Variants in HMCN2 observed in about 807,000 individuals in gnomAD.
The protein encoded by HMCN2 is hemicentin-2.
A neutral mutation model predicts 377.5 loss-of-function variants in HMCN2; 325 were observed. The observed-to-expected ratio is 0.86, with a 90% CI of 0.79 to 0.94. The LOEUF (loss-of-function observed/expected upper bound fraction) is 0.94, where lower values mean the gene tolerates loss of function less well. Among genes scored for constraint, HMCN2 ranks in the 40% least tolerant of loss-of-function variants. The pLI is 0.00. For synonymous variants in HMCN2, 2,007 were observed against 2,046.8 expected (o/e 0.98, Z 0.53); for missense variants, 4,543 against 4,725.3 (o/e 0.96, Z 1.13).
Position 130,425,133 on chromosome 9 carries a change from C to CG in HMCN2, c.13641+8dup. 1 of 1,545,886 alleles carries CG rather than the reference C, an allele frequency of 6.5e-7. No individual in the cohort carries two copies. The highest frequency in any genetic ancestry group is 8.7e-7 in the Non-Finnish European group (1 of 1,144,880). ...CTGACGCAGATCTTCAAGTGCAGGT[C>CG]GGGGGTCAAGCCCTGGGGTGTGCAG... On this transcript the variant is annotated splice_donor_region_variant and intron_variant, in intron 89 of 97. Transcript: ENST00000683500.
chr9:130,278,231 T>C (rs930980821), intron 1 of HMCN2, among the ~76,000 whole-genome samples: 5 of 152,080 alleles, frequency 3.3e-5, no homozygotes, highest in Non-Finnish European at 7.4e-5. Flanking sequence ...TTCACGCCAT[T>C]CTCCTGCCTC....
intron 29 of HMCN2, among the ~76,000 whole-genome samples, chr9:130,349,888 C>CT (rs760662723): frequency 0.052 from 4,756 of 91,344 alleles, 543 homozygotes; most frequent in Non-Finnish European, 0.068. Flanking sequence ...TTAGCCTTTC[C>CT]TTTTTTTTTT....
intron 30 of HMCN2, among the ~76,000 whole-genome samples, chr9:130,352,117 T>G (rs1186240516): frequency 3.3e-5 from 5 of 152,218 alleles, no homozygotes; most frequent in Non-Finnish European, 7.3e-5. Flanking sequence ...TGGCCCAAAT[T>G]TACTACTTCT....
At chr9:130,284,043 G>A (rs1393948267) in intron 1 of HMCN2, among the ~76,000 whole-genome samples, 2 of 152,226 alleles carry the variant, frequency 1.3e-5, no homozygotes, top group Non-Finnish European at 2.9e-5. Flanking sequence ...GTGAATGAAA[G>A]TTCCAGTTGC....
intron 94 of HMCN2, 168 bp from the exon 95 acceptor site, chr9:130,430,116 G>T: frequency 1.6e-6 from 1 of 640,288 alleles, no homozygotes; most frequent in South Asian, 2.0e-5. Context: ...TCGGAGAGGA[G>T]GCTGGAGTTG....
At chr9:130,293,278 A>ATTTTTTTTTTTTTTTTTTT (rs1554930691) in intron 4 of HMCN2, among the ~76,000 whole-genome samples, 4 of 30,022 alleles carry the variant, frequency 1.3e-4, no homozygotes, top group African/African-American at 6.7e-4. Context: ...TACTCACTAA[A>ATTTTTTTTTTTTTTTTTTT]GTTTTTTTTT....
In HMCN2 at chr9:130,404,865, G is replaced by T. The variant is rs142154249; in HGVS notation, c.12149-4G>T. 3.2e-6 allele frequency: 4 copies of T among 1,238,172 alleles called. No individual in the cohort carries two copies. The highest frequency in any genetic ancestry group is 6.3e-5 in the East Asian group (1 of 15,858). The allele number at this position is 1,238,172 out of a possible 1,614,324, so 76.7% of individuals were successfully genotyped here. On this transcript the variant is annotated splice_region_variant and splice_polypyrimidine_tract_variant and intron_variant, in intron 80 of 97. Coordinates refer to ENST00000683500, the MANE Select transcript of HMCN2 (RefSeq NM_001291815.2). ...GTTCCGAGTGGGCCTCCCTCTGCCC[G>T]CAGTCCCACCAGTGATCGAGAATGG...
At position 130,351,361 on chromosome 9, in the gene HMCN2, T is replaced by C; in HGVS notation, c.4431-62T>C. The C allele has an allele frequency of 8.2e-7, 1 of 1,222,930 alleles. No homozygotes were observed. The highest frequency in any genetic ancestry group is 1.6e-5 in the African/African-American group (1 of 64,378). The allele number at this position is 1,222,930 out of a possible 1,614,324, so 75.8% of individuals were successfully genotyped here. ...TTTTACAAGCCACACACTCCCTGTG[T>C]GCAGCGTGTCCCATCCAGCCCCTCG... On this transcript the variant is annotated intron_variant, in intron 29 of 97. Transcript: ENST00000683500. The surrounding 1 kb of genome is among the most constrained non-coding windows in gnomAD (Gnocchi z 5.4).
Position 130,372,410 on chromosome 9 carries a change from G to C in HMCN2, c.7351+3G>C. The C allele has an allele frequency of 1.0e-6, 1 of 980,252 alleles. No homozygotes were observed. The allele number at this position is 980,252 out of a possible 1,614,324, so 60.7% of individuals were successfully genotyped here. On this transcript the variant is annotated splice_donor_region_variant and intron_variant, in intron 47 of 97. Transcript: ENST00000683500. ...GAACTTCAGTGTGGAGGTGCTGGGTGCGTTACAACCCCATTCTCATGGGTG... is the reference window on the plus strand; with the variant it reads ...GAACTTCAGTGTGGAGGTGCTGGGTCCGTTACAACCCCATTCTCATGGGTG...
At position 130,428,479 on chromosome 9, in the gene HMCN2, C is replaced by T. The variant is rs771586097; in HGVS notation, c.14187C>T (p.Ala4729=). 1.0e-5 allele frequency: 16 copies of T among 1,541,006 alleles called. No homozygotes were observed. The highest frequency in any genetic ancestry group is 5.9e-5 in the Admixed American group (3 of 50,972). Residue 4729 remains alanine, a synonymous_variant, in exon 93 of 98, where the codon GCC becomes GCT. Coordinates refer to ENST00000683500, the MANE Select transcript of HMCN2 (RefSeq NM_001291815.2). This position sits in a 1 kb window ranked among gnomAD's most constrained non-coding sequence, Gnocchi z 5.0. ...CGPGFRVADG[A]GCEDVDECLE... ...CTGGCTTCCGGGTGGCTGATGGGGC[C>T]GGCTGTGAAGGTGATGGGGGCACAG...
chr9:130,326,883 A>G (rs1838161299), intron 21 of HMCN2, among the ~76,000 whole-genome samples: 1 of 152,190 alleles, frequency 6.6e-6, no homozygotes, highest in African/African-American at 2.4e-5. Context: ...CGAGAGGTCC[A>G]GAGGGAGGGT....
intron 79 of HMCN2, 139 bp downstream of exon 79, chr9:130,403,467 GC>G: frequency 1.0e-6 from 1 of 980,918 alleles, no homozygotes. Context: ...GCCCAGATAC[GC>G]CCCCACCCTT....
At position 130,266,122 on chromosome 9, in the gene HMCN2, C is replaced by T; in HGVS notation, c.244C>T (p.Pro82Ser). 1 of 467,566 alleles carries T rather than the reference C, an allele frequency of 2.1e-6. No individual in the cohort carries two copies. Among genetic ancestry groups the T allele is most frequent in the Non-Finnish European group, 4.4e-6 (1 of 226,882 alleles). The allele number at this position is 467,566 out of a possible 1,614,324, so 29.0% of individuals were successfully genotyped here. The change falls in exon 1 of 98, where the codon CCC (proline) becomes TCC (serine). Residue 82 changes from proline to serine, a missense_variant. Around this residue, in one of 5 missense-constraint regions of HMCN2, gnomAD observed 547 missense variants for 189.9 expected, o/e 2.88. Coordinates refer to ENST00000683500, the MANE Select transcript of HMCN2 (RefSeq NM_001291815.2). ...SQAIANYALV[P>S]FHDPDIGPVT... ...GGCCATCGCCAACTACGCGCTGGTG[C>T]CCTTCCACGACCCAGGTAGCGCCCC...
rs1016025236 is a variant in HMCN2, at chr9:130,393,792, C to T, written c.10285C>T (p.Arg3429Cys). 83 of 1,284,062 alleles carry T rather than the reference C, an allele frequency of 6.5e-5. 1 individual carries two copies. The Middle Eastern group carries it at 8.6e-4, about 13-fold the overall frequency. The allele number at this position is 1,284,062 out of a possible 1,614,324, so 79.5% of individuals were successfully genotyped here. ...VEFQNDVVVV[R>C]GSLVELPCEA... ...GTTCCAGAATGACGTGGTGGTGGTTCGTGGCTCCCTGGTGGAACTCCCGTG... is the reference window on the plus strand; with the variant it reads ...GTTCCAGAATGACGTGGTGGTGGTTTGTGGCTCCCTGGTGGAACTCCCGTG... The change falls in exon 68 of 98, where the codon CGT becomes TGT. Residue 3429 changes from arginine (R) to cysteine (C), a missense_variant. This residue lies in a region of HMCN2 where 1,073 missense variants were observed against 1,319.5 expected (regional missense o/e 0.81). Transcript: ENST00000683500. This position sits in a 1 kb window ranked among gnomAD's most constrained non-coding sequence, Gnocchi z 5.2.
At position 130,384,514 on chromosome 9, in the gene HMCN2, A is replaced by T; in HGVS notation, c.8972A>T (p.Glu2991Val). 1 of 1,304,252 alleles carries T rather than the reference A, an allele frequency of 7.7e-7. No individual in the cohort carries two copies. Among genetic ancestry groups the T allele is most frequent in the Non-Finnish European group, 1.0e-6 (1 of 988,948 alleles). 80.8% of individuals were successfully genotyped at this position (1,304,252 alleles called of 1,614,324 possible). The change falls in exon 58 of 98, where the codon GAA (glutamate) becomes GTA (valine). Residue 2991 changes from glutamate (E) to valine (V), a missense_variant. This residue lies in a region of HMCN2 where 736 missense variants were observed against 773.2 expected (regional missense o/e 0.95). Transcript: ENST00000683500. ...YKDSQALSLG[E>V]EVFLLPGTHT... ...GACAGCCAGGCCCTCTCCCTGGGTG[A>T]AGAGGTCTTCCTCCTGCCTGGTGGG...
chr9:130,373,169 G>C (rs530100464), intron 48 of HMCN2, 45 bp downstream of exon 48: 5 of 796,232 alleles, frequency 6.3e-6, no homozygotes, highest in Non-Finnish European at 7.6e-6. Flanking sequence ...GGGCGGGAAG[G>C]CACCTTCAGA....
At chr9:130,374,189 G>A (rs1376539132) in intron 48 of HMCN2, among the ~76,000 whole-genome samples, 1 of 151,468 alleles carries the variant, frequency 6.6e-6, no homozygotes, top group African/African-American at 2.4e-5. Context: ...GTAGATGAAT[G>A]GATGGTTGGA....
At chr9:130,309,657 G>A (rs1554938193) in intron 14 of HMCN2, among the ~76,000 whole-genome samples, 1 of 152,006 alleles carries the variant, frequency 6.6e-6, no homozygotes, top group Non-Finnish European at 1.5e-5. Flanking sequence ...GTCCAAACAT[G>A]GAGTTCTTGG....
In HMCN2 at chr9:130,307,481, C is replaced by T. The variant is rs182900685; in HGVS notation, c.2115C>T (p.Ala705=). ...TDPPSVSAVN[A]VVLVAVGEEA... is the part of the protein sequence containing the mutation. ...CACCGTCGGTCTCTGCTGTAAATGCCGTGGTGCTGGTGGCCGTTGGGGAGG... is the reference window on the plus strand; with the variant it reads ...CACCGTCGGTCTCTGCTGTAAATGCTGTGGTGCTGGTGGCCGTTGGGGAGG... The change falls in exon 14 of 98, where the codon GCC becomes GCT. Residue 705 remains alanine, a synonymous_variant. Coordinates refer to ENST00000683500, the MANE Select transcript of HMCN2 (RefSeq NM_001291815.2). The T allele has an allele frequency of 5.9e-5, 28 of 471,146 alleles. No homozygotes were observed. The highest frequency in any genetic ancestry group is 2.1e-4 in the Admixed American group (9 of 42,580). 29.2% of individuals were successfully genotyped at this position (471,146 alleles called of 1,614,324 possible). A position where few individuals can be genotyped will look rare whatever the true frequency, so the allele number is the denominator to read the frequency against.
Sources: gnomAD v4.1 joint callset for allele counts (sites outside exome capture counted in the v4.1 genomes callset) on GRCh38, gnomAD v4.1.1 for gene constraint, gnomAD v4.1.1 regional missense constraint, Gnocchi (gnomAD v3.1) non-coding constraint, MANE v1.5 for transcripts, NCBI Gene and HGNC (gene_info 2026-07-23, HGNC 2026-07-21) for gene names.